Variants in AMBRA1 observed in about 807,000 individuals in gnomAD.
AMBRA1 encodes the protein autophagy and beclin 1 regulator 1.
In AMBRA1, 47 loss-of-function variants were observed where a neutral mutation model predicts 125.4. The ratio of observed to expected loss-of-function variants is 0.37; its 90% CI spans 0.30 to 0.48. AMBRA1 has a LOEUF of 0.48. Ranked by LOEUF, AMBRA1 falls within the 20% of genes least tolerant of loss-of-function variation. The probability of loss-of-function intolerance (pLI) is 0.99; values close to 1 mark genes in which losing one functional copy is unlikely to be tolerated. For synonymous variants in AMBRA1, 626 were observed against 655.5 expected (o/e 0.95, Z 0.69); for missense variants, 1,331 against 1,693.4 (o/e 0.79, Z 3.76).
At chr11:46,478,473 A>T (rs1949911161) in intron 11 of AMBRA1, among the ~76,000 whole-genome samples, 1 of 152,190 alleles carries the variant, frequency 6.6e-6, no homozygotes, top group South Asian at 2.1e-4. Context: ...GCACAGAAAT[A>T]CAGGGCTATA....
At chr11:46,440,297 T>C (rs1010502373) in intron 12 of AMBRA1, among the ~76,000 whole-genome samples, 2 of 152,152 alleles carry the variant, frequency 1.3e-5, no homozygotes, top group African/African-American at 4.8e-5. Context: ...CACTGAGCTA[T>C]ACTGTAAAGA....
Position 46,545,726 on chromosome 11 carries a change from C to A in AMBRA1, c.429G>T (p.Leu143=). The A allele has an allele frequency of 1.2e-6, 2 of 1,614,178 alleles. No homozygotes were observed. The highest frequency in any genetic ancestry group is 1.7e-6 in the Non-Finnish European group (2 of 1,180,018). ...GGAGCTGAGCCGTAGGGTGGAAAGC[C>A]AGGGAGGCAATGGCATTGTTGCTAT... The part of the protein sequence containing the change: ...FTDSNNAIAS[L]AFHPTAQLLL... Residue 143 remains leucine (L), a synonymous_variant, in exon 5 of 18, where the codon CTG becomes CTT. Transcript: ENST00000683756.
In AMBRA1 at chr11:46,407,561, G is replaced by T. The variant is rs1055775756; in HGVS notation, c.3403+952C>A. Among the ~76,000 whole-genome samples the T allele has an allele frequency of 2.6e-5, 4 of 152,354 alleles. No homozygotes were observed. The South Asian group carries it at 6.2e-4, about 24-fold the overall frequency. ...CTTATGGTCATGGCCCCAGCGAGGGGCTTCCACCAAGCACAAATGCAGGAG... is the reference window on the plus strand; with the variant it reads ...CTTATGGTCATGGCCCCAGCGAGGGTCTTCCACCAAGCACAAATGCAGGAG... On this transcript the variant is annotated intron_variant, in intron 17 of 17. Transcript: ENST00000683756.
In AMBRA1 at chr11:46,428,678, C is replaced by T. The variant is rs1348814283; in HGVS notation, c.2976+4796G>A. On this transcript the variant is annotated intron_variant, in intron 14 of 17. Transcript: ENST00000683756. ...TTACTGAGGTGGCTGACCACGTCCA[C>T]GACCAAATCCGCCTCTAAACTGGAA... 18 of 1,600,646 alleles carry T rather than the reference C, an allele frequency of 1.1e-5. No homozygotes were observed. The East Asian group carries it at 1.6e-4, about 14-fold the overall frequency.
intron 17 of AMBRA1, among the ~76,000 whole-genome samples, chr11:46,399,630 GT>G (rs1022135631): frequency 1.3e-5 from 2 of 152,186 alleles, no homozygotes; most frequent in African/African-American, 2.4e-5. Flanking sequence ...CTCCCAAAGT[GT>G]TGGGATTACA....
At chr11:46,519,336 A>T (rs1368487403) in intron 7 of AMBRA1, among the ~76,000 whole-genome samples, 2 of 152,108 alleles carry the variant, frequency 1.3e-5, no homozygotes, top group Non-Finnish European at 2.9e-5. Flanking sequence ...TTCACTTCAA[A>T]TTCAATAGAT....
intron 3 of AMBRA1, 101 bp from the exon 4 acceptor site, chr11:46,547,397 C>A: frequency 9.7e-7 from 1 of 1,028,656 alleles, no homozygotes; most frequent in Non-Finnish European, 1.4e-6. Flanking sequence ...CCTGCCAATC[C>A]CAACATGAAA....
At chr11:46,441,698 G>A (rs1052792742) in intron 12 of AMBRA1, among the ~76,000 whole-genome samples, 3 of 152,144 alleles carry the variant, frequency 2.0e-5, no homozygotes, top group Non-Finnish European at 2.9e-5. Context: ...CACATCTAGA[G>A]TTTTCTATTC....
At chr11:46,530,418 C>T (rs1198342723) in intron 7 of AMBRA1, among the ~76,000 whole-genome samples, 2 of 152,214 alleles carry the variant, frequency 1.3e-5, no homozygotes, top group African/African-American at 4.8e-5. Context: ...TCTGGAGGCT[C>T]ATGCCCTCCC....
chr11:46,439,153 A>AG (rs1290362566), intron 12 of AMBRA1, among the ~76,000 whole-genome samples: 1 of 152,114 alleles, frequency 6.6e-6, no homozygotes, highest in Non-Finnish European at 1.5e-5. Context: ...ATGTGCCTGT[A>AG]GGCCGAGTTA....
At chr11:46,528,642 G>A (rs1952082470) in intron 7 of AMBRA1, among the ~76,000 whole-genome samples, 1 of 152,148 alleles carries the variant, frequency 6.6e-6, no homozygotes, top group Non-Finnish European at 1.5e-5. Flanking sequence ...AGGGTGAAAA[G>A]GAGTCATTCA....
intron 17 of AMBRA1, among the ~76,000 whole-genome samples, chr11:46,407,079 T>G (rs1946057272): frequency 6.6e-6 from 1 of 152,118 alleles, no homozygotes. Flanking sequence ...CTTGGGAGGC[T>G]GAGGCAGGAG....
intron 7 of AMBRA1, among the ~76,000 whole-genome samples, chr11:46,532,427 G>C (rs947092579): frequency 6.8e-4 from 103 of 152,304 alleles, no homozygotes; most frequent in African/African-American, 2.5e-3. Flanking sequence ...AAGAGCTTAT[G>C]GGGGAAGAAA....
At chr11:46,414,273 C>A (rs1946428774) in intron 15 of AMBRA1, among the ~76,000 whole-genome samples, 1 of 152,224 alleles carries the variant, frequency 6.6e-6, no homozygotes. Flanking sequence ...AGAGCCAGCA[C>A]CTGGCTCTTA....
intron 4 of AMBRA1, 42 bp downstream of exon 4, chr11:46,547,071 T>A (rs770160427): frequency 4.5e-5 from 68 of 1,502,432 alleles, no homozygotes; most frequent in East Asian, 3.1e-4. Context: ...AAAAAAAAAA[T>A]TAGAACACCA....
intron 11 of AMBRA1, among the ~76,000 whole-genome samples, chr11:46,475,504 T>C (rs1292320537): frequency 6.6e-6 from 1 of 152,100 alleles, no homozygotes; most frequent in Non-Finnish European, 1.5e-5. Context: ...AAAAATCCCC[T>C]CCCATCACAG....
intron 11 of AMBRA1, among the ~76,000 whole-genome samples, chr11:46,481,552 A>G (rs530144114): frequency 1.3e-5 from 2 of 152,102 alleles, no homozygotes; most frequent in East Asian, 3.9e-4. Context: ...TAGCAGAGAT[A>G]GGGTTTCTCC....
chr11:46,575,241 TGAG>T (rs2043914726), intron 1 of AMBRA1, among the ~76,000 whole-genome samples: 1 of 152,096 alleles, frequency 6.6e-6, no homozygotes, highest in South Asian at 2.1e-4. Flanking sequence ...GTGTATCACC[TGAG>T]GTCAGGAGTT....
intron 17 of AMBRA1, among the ~76,000 whole-genome samples, chr11:46,404,917 G>A (rs1945936239): frequency 6.6e-6 from 1 of 152,200 alleles, no homozygotes; most frequent in Non-Finnish European, 1.5e-5. Context: ...AACACCAGCA[G>A]ACATACTTCT....
Sources: gnomAD v4.1 joint callset for allele counts (sites outside exome capture counted in the v4.1 genomes callset) on GRCh38, gnomAD v4.1.1 for gene constraint, MANE v1.5 for transcripts, NCBI Gene and HGNC (gene_info 2026-07-23, HGNC 2026-07-21) for gene names.